Variants in PCDH15 observed in about 807,000 individuals in gnomAD.
The protein encoded by PCDH15 is protocadherin-15.
In PCDH15, 129 loss-of-function variants were observed where a neutral mutation model predicts 178.5. The ratio of observed to expected loss-of-function variants is 0.72; its 90% confidence interval spans 0.63 to 0.84. PCDH15 has a LOEUF of 0.84. Among genes scored for constraint, PCDH15 ranks in the 40% least tolerant of loss-of-function variants. The pLI is 0.00. For synonymous variants in PCDH15, 800 were observed against 732.0 expected, an observed-to-expected ratio of 1.09 and a Z score of -1.50; for missense variants, 2,230 against 2,099.9, an observed-to-expected ratio of 1.06 and a Z score of -1.21.
intron 3 of PCDH15, among the ~76,000 whole-genome samples, chr10:54,875,522 G>A (rs746298362): frequency 4.6e-5 from 7 of 152,116 alleles, no homozygotes; most frequent in Non-Finnish European, 1.0e-4. Flanking sequence ...GTGTCAAATA[G>A]TTAGCTAACC....
intron 16 of PCDH15, among the ~76,000 whole-genome samples, chr10:54,081,736 C>T (rs2094439746): frequency 6.6e-6 from 1 of 151,738 alleles, no homozygotes; most frequent in Non-Finnish European, 1.5e-5. Flanking sequence ...CTTATAAGTT[C>T]ACATATTAAA....
At chr10:55,600,221 G>A (rs931737274) in intron 2 of PCDH15, among the ~76,000 whole-genome samples, 7 of 152,042 alleles carry the variant, frequency 4.6e-5, no homozygotes, top group African/African-American at 2.4e-5. Flanking sequence ...AAAATTAGCC[G>A]GGTGTGGTGG....
intron 3 of PCDH15, among the ~76,000 whole-genome samples, chr10:54,462,498 TTTCTTTTTC>T (rs2077233554): frequency 2.3e-5 from 3 of 130,434 alleles, no homozygotes; most frequent in African/African-American, 9.9e-5. Context: ...TTCTTTTCTT[TTTCTTTTTC>T]TTTTCTTTTT....
chr10:55,471,301 T>G (rs1444127058), intron 2 of PCDH15, among the ~76,000 whole-genome samples: 2 of 152,214 alleles, frequency 1.3e-5, no homozygotes, highest in Non-Finnish European at 2.9e-5. Context: ...TAGGGCTTAT[T>G]AAATAGCCTT....
At chr10:54,062,246 A>AAAAAAAAAAAAAAAAAAAAAAAAAT (rs2094038412) in intron 18 of PCDH15, among the ~76,000 whole-genome samples, 1 of 135,054 alleles carries the variant, frequency 7.4e-6, no homozygotes, top group Non-Finnish European at 1.5e-5. Flanking sequence ...AAAAAAAAAA[A>AAAAAAAAAAAAAAAAAAAAAAAAAT]AAAAAACAAA....
intron 3 of PCDH15, among the ~76,000 whole-genome samples, chr10:54,512,134 C>T (rs117947920): frequency 0.013 from 1,937 of 151,984 alleles, 20 homozygotes; most frequent in Middle Eastern, 0.021. Flanking sequence ...TCTTGACCTC[C>T]GGATATCTTT....
intron 1 of PCDH15, among the ~76,000 whole-genome samples, chr10:55,256,659 C>T (rs779846209): frequency 7.6e-4 from 116 of 152,284 alleles, no homozygotes; most frequent in Non-Finnish European, 1.1e-3. Flanking sequence ...AACTGCAAGG[C>T]GGCAGCGAGG....
chr10:55,552,261 A>T (rs1183365949), intron 2 of PCDH15, among the ~76,000 whole-genome samples: 1 of 151,650 alleles, frequency 6.6e-6, no homozygotes, highest in Non-Finnish European at 1.5e-5. Flanking sequence ...GGGAGATTTC[A>T]CTTCTACATT....
chr10:53,811,405 A>G (rs2075859047), intron 36 of PCDH15, 144 bp downstream of exon 36: 1 of 459,070 alleles, frequency 2.2e-6, no homozygotes, highest in Non-Finnish European at 3.7e-6. Context: ...AAATAAAGCT[A>G]GATATACTAT....
intron 2 of PCDH15, among the ~76,000 whole-genome samples, chr10:55,357,531 T>C (rs1349073558): frequency 6.6e-6 from 1 of 152,014 alleles, no homozygotes; most frequent in Non-Finnish European, 1.5e-5. Context: ...TTATACTCAA[T>C]GTTTTTTAAG....
chr10:53,822,522 G>A lies in PCDH15; in HGVS notation c.4368-2292C>T, dbSNP rs749342805. ...AGAAGGAGAGATGTTTGGTGGATGG[G>A]CAAAATTTTCAAAAATATTTCTTTC... On this transcript the variant is annotated intron_variant, in intron 32 of 37. Coordinates refer to ENST00000644397, the MANE Select transcript of PCDH15 (RefSeq NM_001384140.1). The A allele has an allele frequency of 1.4e-5, 23 of 1,613,122 alleles. No individual in the cohort carries two copies. Among genetic ancestry groups the A allele is most frequent in the Non-Finnish European group, 1.7e-5 (20 of 1,179,708 alleles).
intron 22 of PCDH15, among the ~76,000 whole-genome samples, chr10:53,961,065 A>C (rs1232989207): frequency 6.6e-6 from 1 of 152,192 alleles, no homozygotes; most frequent in Non-Finnish European, 1.5e-5. Flanking sequence ...AAGAAAAGTA[A>C]AATTTGACAA....
At chr10:55,526,581 T>C (rs527411487) in intron 2 of PCDH15, among the ~76,000 whole-genome samples, 232 of 152,126 alleles carry the variant, frequency 1.5e-3, no homozygotes, top group Admixed American at 5.4e-3. Flanking sequence ...TATACATGAG[T>C]GCTTTCCATC....
At chr10:54,411,432 C>G (rs1953498468) in intron 3 of PCDH15, among the ~76,000 whole-genome samples, 1 of 152,214 alleles carries the variant, frequency 6.6e-6, no homozygotes, top group East Asian at 1.9e-4. Context: ...AATGTTAATT[C>G]CTTACGATCT....
intron 1 of PCDH15, among the ~76,000 whole-genome samples, chr10:54,758,527 G>A (rs1193490636): frequency 3.3e-5 from 5 of 152,186 alleles, no homozygotes; most frequent in Admixed American, 6.5e-5. Context: ...ATCATAAATC[G>A]AGCAGCCTCT....
intron 2 of PCDH15, among the ~76,000 whole-genome samples, chr10:55,162,693 A>G (rs1283150030): frequency 6.6e-6 from 1 of 152,110 alleles, no homozygotes; most frequent in Non-Finnish European, 1.5e-5. Context: ...GAATATTGCT[A>G]AGACTCCTGT....
chr10:54,741,046 T>C (rs373633458), intron 1 of PCDH15, among the ~76,000 whole-genome samples: 19 of 151,974 alleles, frequency 1.3e-4, no homozygotes, highest in East Asian at 9.7e-4. Context: ...AAATGATAAA[T>C]GTGTAAGATG....
intron 2 of PCDH15, among the ~76,000 whole-genome samples, chr10:54,569,683 T>C (rs1429599404): frequency 1.3e-5 from 2 of 152,124 alleles, no homozygotes; most frequent in Non-Finnish European, 2.9e-5. Flanking sequence ...GTCTTGGATG[T>C]TATATCTGAC....
chr10:53,821,769 TAG>T (rs1337123226), intron 32 of PCDH15: 45 of 1,578,974 alleles, frequency 2.8e-5, no homozygotes, highest in East Asian at 4.5e-5. Flanking sequence ...GGTAAAATAA[TAG>T]AGTCTTCTTT....
Sources: allele counts gnomAD v4.1 joint callset (sites outside exome capture counted in the v4.1 genomes callset), GRCh38; gene constraint gnomAD v4.1.1; transcripts MANE v1.5; gene names NCBI Gene and HGNC (gene_info 2026-07-23, HGNC 2026-07-21).